The following RARRES1 variants were observed in gnomAD, a reference collection of about 807,000 sequenced individuals.
The protein encoded by RARRES1 is retinoic acid receptor responder protein 1.
A neutral mutation model predicts 30.6 loss-of-function variants in RARRES1; 34 were observed. That is an observed-to-expected ratio of 1.11 (90% CI 0.84 to 1.48). The LOEUF (loss-of-function observed/expected upper bound fraction) is 1.48, where lower values mean the gene tolerates loss of function less well. RARRES1 is among the 40% of genes most tolerant of loss of function. The pLI, the probability that RARRES1 is intolerant of heterozygous loss-of-function variation, is 0.00. For synonymous variants in RARRES1, 153 were observed against 155.5 expected, an observed-to-expected ratio of 0.98 and a Z score of 0.12; for missense variants, 373 against 386.5, an observed-to-expected ratio of 0.97 and a Z score of 0.29.
intron 3 of RARRES1, among the ~76,000 whole-genome samples, chr3:158,710,187 C>T (rs1294180825): frequency 6.6e-6 from 1 of 150,658 alleles, no homozygotes; most frequent in East Asian, 2.0e-4. Context: ...GCCCCTCATT[C>T]TGGGATGGAA....
intron 3 of RARRES1, among the ~76,000 whole-genome samples, chr3:158,707,042 G>A (rs930557854): frequency 6.6e-6 from 1 of 152,106 alleles, no homozygotes; most frequent in African/African-American, 2.4e-5. Flanking sequence ...GGTGGCACAC[G>A]CCTGTAATCT....
intron 4 of RARRES1, 26 bp downstream of exon 4, chr3:158,704,765 C>G: frequency 6.2e-7 from 1 of 1,606,406 alleles, no homozygotes; most frequent in South Asian, 1.1e-5. Context: ...TCTTGTGGCA[C>G]AAGTTAATTT....
At chr3:158,731,195 A>G (rs1025532857) in intron 1 of RARRES1, among the ~76,000 whole-genome samples, 7 of 152,324 alleles carry the variant, frequency 4.6e-5, no homozygotes, top group Non-Finnish European at 7.3e-5. Context: ...GGACTTTCCA[A>G]TGGTGTTTGC....
At chr3:158,726,729 A>C (rs1268527976) in intron 1 of RARRES1, among the ~76,000 whole-genome samples, 1 of 152,256 alleles carries the variant, frequency 6.6e-6, no homozygotes, top group East Asian at 1.9e-4. Flanking sequence ...ATTCCACCAT[A>C]AGTAAACAAA....
intron 4 of RARRES1, among the ~76,000 whole-genome samples, chr3:158,700,563 G>A (rs1252460753): frequency 1.3e-5 from 2 of 151,950 alleles, no homozygotes; most frequent in Non-Finnish European, 2.9e-5. Context: ...TCCTTTAGGA[G>A]GAACCACCTT....
At chr3:158,718,363 G>A (rs576999198) in intron 1 of RARRES1, among the ~76,000 whole-genome samples, 30 of 152,292 alleles carry the variant, frequency 2.0e-4, no homozygotes, top group Non-Finnish European at 3.5e-4. Context: ...TGGGCCAATT[G>A]CCTGGTACTG....
intron 1 of RARRES1, among the ~76,000 whole-genome samples, chr3:158,724,244 C>T (rs1278634969): frequency 6.6e-6 from 1 of 152,194 alleles, no homozygotes; most frequent in Admixed American, 6.5e-5. Context: ...CACAGCCAGC[C>T]TGGACACGGG....
intron 2 of RARRES1, among the ~76,000 whole-genome samples, chr3:158,713,251 T>C (rs1233323073): frequency 2.6e-5 from 4 of 152,148 alleles, no homozygotes; most frequent in Admixed American, 2.0e-4. Flanking sequence ...ATACGAGTTT[T>C]CTCTTTACTC....
At chr3:158,722,608 C>T (rs556436492) in intron 1 of RARRES1, among the ~76,000 whole-genome samples, 267 of 152,228 alleles carry the variant, frequency 1.8e-3, no homozygotes, top group African/African-American at 6.1e-3. Context: ...CCTGGCCGGG[C>T]GCTGTGGCTC....
At chr3:158,697,880 C>T in intron 5 of RARRES1, 28 bp downstream of exon 5, 1 of 1,565,064 alleles carries the variant, frequency 6.4e-7, no homozygotes. Flanking sequence ...ATGGTAAAAA[C>T]AATTCTACAT....
At chr3:158,719,028 T>G (rs576778535) in intron 1 of RARRES1, among the ~76,000 whole-genome samples, 1 of 152,282 alleles carries the variant, frequency 6.6e-6, no homozygotes, top group Admixed American at 6.5e-5. Context: ...ATCAGGAAAC[T>G]TGACATCCCT....
Position 158,732,364 on chromosome 3 carries a change from G to A in RARRES1, c.52C>T (p.Pro18Ser). Residue 18 changes from proline (P) to serine (S), a missense_variant, in exon 1 of 6, where the codon CCG (proline) becomes TCG (serine). Physicochemically the swap from Pro to Ser is moderately conservative, Grantham distance 74. Transcript: ENST00000237696. ...GCGAGCAGCGGGGCGGTGGGGCGCG[G>A]GCCCCTGGGCCCGGACCAGGGAGCA... ...LPAPWSGPRG[P>S]RPTAPLLALL... is the part of the protein sequence containing the mutation. The A allele has an allele frequency of 1.4e-6, 2 of 1,469,184 alleles. No individual in the cohort carries two copies. The highest frequency in any genetic ancestry group is 9.0e-7 in the Non-Finnish European group (1 of 1,117,220). The allele number at this position is 1,469,184 out of a possible 1,614,324, so 91.0% of individuals were successfully genotyped here.
intron 1 of RARRES1, among the ~76,000 whole-genome samples, chr3:158,724,876 G>A (rs1355726324): frequency 1.3e-5 from 2 of 151,656 alleles, no homozygotes; most frequent in African/African-American, 2.4e-5. Context: ...GCCCAGTCTG[G>A]AAGGCAGTGG....
chr3:158,730,365 C>CTCCCTTCCT (rs1553746334), intron 1 of RARRES1, among the ~76,000 whole-genome samples: 1 of 120,240 alleles, frequency 8.3e-6, no homozygotes, highest in Non-Finnish European at 1.7e-5. Context: ...GAATAGGTTG[C>CTCCCTTCCT]TCCTTCCTTC....
rs1278145071 is a variant in RARRES1 at position 158,713,132 on chromosome 3, T to G, written c.339+665A>C. Reference sequence around the variant, plus strand: ...TGGATGCTGCCTGCTCCAGGCTGCTTCTCAGCACAAGACAAAGAGCATTTG... The same window carrying G: ...TGGATGCTGCCTGCTCCAGGCTGCTGCTCAGCACAAGACAAAGAGCATTTG... On this transcript the variant is annotated intron_variant, in intron 2 of 5. Coordinates refer to ENST00000237696, the MANE Select transcript of RARRES1 (RefSeq NM_206963.2). Among the ~76,000 whole-genome samples, 4 of 152,120 alleles carry G rather than the reference T, an allele frequency of 2.6e-5. 1 individual carries two copies. Among genetic ancestry groups the G allele is most frequent in the African/African-American group, 7.2e-5 (3 of 41,424 alleles).
At chr3:158,712,550 T>A (rs1004871324) in intron 2 of RARRES1, among the ~76,000 whole-genome samples, 15 of 152,174 alleles carry the variant, frequency 9.9e-5, no homozygotes, top group Non-Finnish European at 1.8e-4. Context: ...TGCTTTAAGA[T>A]GTTAATTATT....
chr3:158,731,447 A>G (rs1317369315), intron 1 of RARRES1, among the ~76,000 whole-genome samples: 1 of 152,202 alleles, frequency 6.6e-6, no homozygotes, highest in African/African-American at 2.4e-5. Context: ...ATACGAGACA[A>G]TTCCTACAGT....
At chr3:158,724,190 G>T (rs1176147875) in intron 1 of RARRES1, among the ~76,000 whole-genome samples, 4 of 152,130 alleles carry the variant, frequency 2.6e-5, no homozygotes, top group Non-Finnish European at 5.9e-5. Context: ...CATTTTCTGG[G>T]TACCGGCATA....
chr3:158,724,643 A>G (rs1195627572), intron 1 of RARRES1, among the ~76,000 whole-genome samples: 2 of 150,778 alleles, frequency 1.3e-5, no homozygotes, highest in Non-Finnish European at 3.0e-5. Context: ...CCAGAACCAT[A>G]AGTGAGTAAG....
Sources: gnomAD v4.1 joint callset for allele counts (sites outside exome capture counted in the v4.1 genomes callset) on GRCh38, gnomAD v4.1.1 for gene constraint, MANE v1.5 for transcripts, NCBI Gene and HGNC (gene_info 2026-07-23, HGNC 2026-07-21) for gene names.